GAB3: variants seen among roughly 807,000 people sequenced by gnomAD.
GAB3 encodes the protein GRB2 associated binding protein 3.
A neutral mutation model predicts 40.4 loss-of-function variants in GAB3; 12 were observed. The observed-to-expected ratio is 0.30, with a 90% CI of 0.19 to 0.48. GAB3 has a LOEUF of 0.48. Ranked by LOEUF, GAB3 falls within the 20% of genes least tolerant of loss-of-function variation. GAB3 has a pLI of 0.99. For missense variants in GAB3, 381 were observed against 461.9 expected (o/e 0.82, Z 1.61); for synonymous variants, 154 against 176.7 (o/e 0.87, Z 1.02).
At chrX:154,691,286 G>A (rs2070560635) in intron 8 of GAB3, among the ~76,000 whole-genome samples, 1 of 72,900 alleles carries the variant, frequency 1.4e-5, no homozygotes, top group African/African-American at 5.3e-5. Flanking sequence ...GGGGAGGGGG[G>A]AGGGATAGCA....
chrX:154,709,740 C>T (rs782178114), intron 4 of GAB3, among the ~76,000 whole-genome samples: 1 of 111,232 alleles, frequency 9.0e-6, no homozygotes, highest in East Asian at 2.8e-4. Flanking sequence ...GGTATATATT[C>T]AGAATGGAAT....
At chrX:154,713,158 G>A in intron 3 of GAB3, 49 bp downstream of exon 3, 1 of 1,030,300 alleles carries the variant, frequency 9.7e-7, no homozygotes, top group Non-Finnish European at 1.4e-6. Context: ...TGACTCTAGA[G>A]AGCATGCTAG....
chrX:154,704,855 G>A, intron 4 of GAB3, among the ~76,000 whole-genome samples: 1 of 111,317 alleles, frequency 9.0e-6, no homozygotes, highest in Non-Finnish European at 1.9e-5. Context: ...ATAAATTCCT[G>A]GACACGTAAA....
chrX:154,723,482 A>G (rs1332222149), intron 1 of GAB3, among the ~76,000 whole-genome samples: 2 of 111,730 alleles, frequency 1.8e-5, no homozygotes, highest in African/African-American at 6.5e-5. Context: ...CAGGAAGTAA[A>G]GAGTACAAAA....
At chrX:154,705,883 T>TAGTA (rs1798999990) in intron 4 of GAB3, among the ~76,000 whole-genome samples, 2 of 112,192 alleles carry the variant, frequency 1.8e-5, no homozygotes, top group South Asian at 7.3e-4. Context: ...TAAATGAATT[T>TAGTA]AGTAAGTTTG....
chrX:154,714,022 T>C (rs1183088495), intron 2 of GAB3, among the ~76,000 whole-genome samples: 1 of 107,662 alleles, frequency 9.3e-6, no homozygotes, highest in African/African-American at 3.4e-5. Context: ...TGTTCATCAC[T>C]GTTATAAGTA....
chrX:154,699,193 G>T lies in GAB3; in HGVS notation c.1345+101C>A, dbSNP rs1433065728. 29 of 666,033 alleles carry T rather than the reference G, an allele frequency of 4.4e-5. No individual in the cohort carries two copies. In the East Asian group the frequency reaches 7.7e-4, roughly 18 times the overall value. 54.9% of individuals were successfully genotyped at this position (666,033 alleles called of 1,213,427 possible). ...CTGACCTTACACTTTCCGGCCCTCT[G>T]GGGTGGTTTCTCTAGGTCTTCCTTT... On this transcript the variant is annotated intron_variant, in intron 6 of 9. Transcript: ENST00000424127.
intron 1 of GAB3, among the ~76,000 whole-genome samples, chrX:154,737,677 T>G (rs782006963): frequency 2.7e-5 from 3 of 112,320 alleles, no homozygotes; most frequent in African/African-American, 9.7e-5. Flanking sequence ...AGTGTTTGTA[T>G]GACATAGTCA....
chrX:154,712,136 G>A (rs782645655), intron 4 of GAB3, 93 bp downstream of exon 4: 58 of 618,470 alleles, frequency 9.4e-5, no homozygotes, highest in Non-Finnish European at 4.5e-5. Flanking sequence ...CAGCCCCATC[G>A]TTTTGGTCCA....
At chrX:154,749,000 C>CG (rs2071570155) in intron 1 of GAB3, among the ~76,000 whole-genome samples, 1 of 111,622 alleles carries the variant, frequency 9.0e-6, no homozygotes. Context: ...TGCCTGTCAG[C>CG]GAAAAAAGCA....
At chrX:154,741,973 G>A (rs1167991021) in intron 1 of GAB3, among the ~76,000 whole-genome samples, 24 of 111,759 alleles carry the variant, frequency 2.1e-4, no homozygotes, top group African/African-American at 6.2e-4. Context: ...TGGGGATTAT[G>A]GGGATTACAA....
At chrX:154,694,547 T>C (rs1164691841) in intron 8 of GAB3, among the ~76,000 whole-genome samples, 7 of 110,437 alleles carry the variant, frequency 6.3e-5, no homozygotes, top group East Asian at 5.7e-4. Flanking sequence ...CCACCACGCC[T>C]GGCTAATTTT....
chrX:154,693,636 C>T (rs1243592337), intron 8 of GAB3, among the ~76,000 whole-genome samples: 12 of 111,470 alleles, frequency 1.1e-4, no homozygotes, highest in African/African-American at 2.9e-4. Context: ...ATTTTGGAAC[C>T]GTTGTGTACT....
At position 154,678,082 on chromosome X, in the gene GAB3, C is replaced by G. The variant is rs1388592407; in HGVS notation, c.*96G>C. The stretch of plus-strand genomic sequence containing the variant: ...CTTGGTTTTGACCTGTGTTGACCAT[C>G]AGTGTGTTTTTAGTGGACAAAAAAA... On this transcript the variant is annotated 3_prime_UTR_variant, in exon 10 of 10. Transcript: ENST00000424127. 1 of 476,714 alleles carries G rather than the reference C, an allele frequency of 2.1e-6. No homozygotes were observed. The highest frequency in any genetic ancestry group is 3.6e-6 in the Non-Finnish European group (1 of 276,249). The allele number at this position is 476,714 out of a possible 1,213,427, so 39.3% of individuals were successfully genotyped here.
At chrX:154,715,077 T>C (rs1238109444) in intron 2 of GAB3, among the ~76,000 whole-genome samples, 1 of 112,314 alleles carries the variant, frequency 8.9e-6, no homozygotes, top group Admixed American at 9.4e-5. Flanking sequence ...GAAAGCACAC[T>C]CTTGTGCCTG....
intron 2 of GAB3, among the ~76,000 whole-genome samples, chrX:154,713,742 CATATATATATAT>C (rs59885867): frequency 0.045 from 894 of 19,653 alleles, 31 homozygotes; most frequent in African/African-American, 0.095. Flanking sequence ...AACTAACAAA[CATATATATATAT>C]ATATATATAT....
intron 1 of GAB3, among the ~76,000 whole-genome samples, chrX:154,734,484 C>T (rs1557260322): frequency 1.8e-5 from 2 of 112,598 alleles, no homozygotes; most frequent in African/African-American, 6.5e-5. Context: ...AGAGGGAAGT[C>T]CAGGGCCTAA....
At chrX:154,702,316 T>A (rs1165385268) in intron 4 of GAB3, among the ~76,000 whole-genome samples, 8 of 112,182 alleles carry the variant, frequency 7.1e-5, no homozygotes, top group Non-Finnish European at 1.1e-4. Flanking sequence ...ATACACAGAA[T>A]AATTAAACTA....
In GAB3 at chrX:154,736,028, T is replaced by C. The variant is rs141068743; in HGVS notation, c.72+14926A>G. Among the ~76,000 whole-genome samples, 393 of 112,446 alleles carry C rather than the reference T, an allele frequency of 3.5e-3. 5 individuals carry two copies. Among genetic ancestry groups the C allele is most frequent in the Admixed American group, 0.024 (256 of 10,685 alleles). ...AGCAAAATGGTCTCTAGTAGGCCAA[T>C]AGCAATCTCCCAAACAGGAGCTGCC... On this transcript the variant is annotated intron_variant, in intron 1 of 9. Coordinates refer to ENST00000424127, the MANE Select transcript of GAB3 (RefSeq NM_001081573.3).
Sources: allele counts gnomAD v4.1 joint callset (sites outside exome capture counted in the v4.1 genomes callset), GRCh38; gene constraint gnomAD v4.1.1; transcripts MANE v1.5; gene names NCBI Gene and HGNC (gene_info 2026-07-23, HGNC 2026-07-21).